NTRK2: variants seen among roughly 807,000 people sequenced by gnomAD.
NTRK2 encodes the protein neurotrophic receptor tyrosine kinase 2.
NTRK2 carries 13 observed loss-of-function variants against 94.5 expected under a neutral mutation model. The ratio of observed to expected loss-of-function variants is 0.14; its 90% confidence interval spans 0.09 to 0.22. NTRK2 has a LOEUF of 0.22. Ranked by LOEUF, NTRK2 falls within the 10% of genes least tolerant of loss-of-function variation. The pLI is 1.00. For missense variants in NTRK2, 639 were observed against 1,071.2 expected, an observed-to-expected ratio of 0.60 and a Z score of 5.63; for synonymous variants, 372 against 407.4, an observed-to-expected ratio of 0.91 and a Z score of 1.05.
At chr9:84,822,038 T>C (rs1184370090) in intron 12 of NTRK2, among the ~76,000 whole-genome samples, 1 of 152,204 alleles carries the variant, frequency 6.6e-6, no homozygotes. Context: ...AAGGACTTCT[T>C]GGCCAGCAGT....
chr9:84,875,140 A>C (rs200801574), intron 14 of NTRK2: 33 of 1,059,984 alleles, frequency 3.1e-5, no homozygotes, highest in Non-Finnish European at 3.7e-5. Flanking sequence ...ATCTCTTGTA[A>C]TATAAAGTCT....
At chr9:84,697,307 G>C (rs2060444212) in intron 2 of NTRK2, among the ~76,000 whole-genome samples, 1 of 152,160 alleles carries the variant, frequency 6.6e-6, no homozygotes, top group South Asian at 2.1e-4. Context: ...GGGGGCGGAG[G>C]GGCTGTGCTT....
At chr9:84,939,369 A>G (rs567263146) in intron 15 of NTRK2, among the ~76,000 whole-genome samples, 3 of 152,316 alleles carry the variant, frequency 2.0e-5, no homozygotes, top group Admixed American at 2.0e-4. Context: ...AGATCATTTA[A>G]TGTCAATGTC....
intron 2 of NTRK2, among the ~76,000 whole-genome samples, chr9:84,682,131 T>A (rs2059425995): frequency 6.6e-6 from 1 of 152,146 alleles, no homozygotes. Context: ...CAGACTTGTA[T>A]CCCCTGGATG....
chr9:84,811,745 C>T (rs1237234272), intron 12 of NTRK2: 1 of 1,065,432 alleles, frequency 9.4e-7, no homozygotes, highest in Non-Finnish European at 1.1e-6. Flanking sequence ...TGTCCTTCTT[C>T]ATTGCTGAGA....
At chr9:84,978,135 G>C (rs1827128112) in intron 17 of NTRK2, among the ~76,000 whole-genome samples, 2 of 152,184 alleles carry the variant, frequency 1.3e-5, no homozygotes, top group Admixed American at 1.3e-4. Context: ...TCAAGTGAAA[G>C]GAGGAGTCAC....
intron 13 of NTRK2, among the ~76,000 whole-genome samples, chr9:84,866,496 G>T (rs2075601633): frequency 6.6e-6 from 1 of 152,162 alleles, no homozygotes; most frequent in Non-Finnish European, 1.5e-5. Context: ...GTGAAATAGG[G>T]ATCCCAGATT....
chr9:84,954,578 T>C (rs1332762131), intron 16 of NTRK2, among the ~76,000 whole-genome samples: 3 of 151,724 alleles, frequency 2.0e-5, no homozygotes, highest in Non-Finnish European at 4.4e-5. Flanking sequence ...TGAGCGGAGG[T>C]TGGAGGAGGG....
intron 17 of NTRK2, among the ~76,000 whole-genome samples, chr9:84,969,412 A>C (rs368844901): frequency 2.0e-5 from 3 of 152,356 alleles, no homozygotes; most frequent in African/African-American, 7.2e-5. Context: ...ATAGCTCAGG[A>C]TAGGGCTCTG....
chr9:84,999,680 G>A (rs1173648301), intron 17 of NTRK2, among the ~76,000 whole-genome samples: 8 of 152,152 alleles, frequency 5.3e-5, no homozygotes, highest in Non-Finnish European at 1.0e-4. Flanking sequence ...TTTCATCTTG[G>A]TGAGAATGAT....
intron 2 of NTRK2, among the ~76,000 whole-genome samples, chr9:84,688,357 T>C (rs2059844105): frequency 1.3e-5 from 2 of 152,198 alleles, no homozygotes; most frequent in Non-Finnish European, 2.9e-5. Flanking sequence ...GATGATGCTC[T>C]GGATCAGGGC....
chr9:84,842,010 A>G (rs2074212847), intron 12 of NTRK2, among the ~76,000 whole-genome samples: 1 of 152,206 alleles, frequency 6.6e-6, no homozygotes, highest in Non-Finnish European at 1.5e-5. Flanking sequence ...GTTCAATCCC[A>G]TAGACAAAAC....
chr9:84,785,098 G>T (rs1645152062), intron 12 of NTRK2, among the ~76,000 whole-genome samples: 1 of 152,164 alleles, frequency 6.6e-6, no homozygotes, highest in Non-Finnish European at 1.5e-5. Flanking sequence ...ACTAGAGAAA[G>T]CACCTTCTTT....
chr9:84,891,908 G>A (rs994943030), intron 14 of NTRK2, among the ~76,000 whole-genome samples: 2 of 151,488 alleles, frequency 1.3e-5, no homozygotes, highest in African/African-American at 2.4e-5. Flanking sequence ...ACCAGCATGT[G>A]TCACACTAAA....
chr9:84,903,102 TTTAAA>T (rs574766073), intron 14 of NTRK2, among the ~76,000 whole-genome samples: 24 of 152,366 alleles, frequency 1.6e-4, no homozygotes, highest in East Asian at 1.2e-3. Flanking sequence ...ACTATTTTAA[TTTAAA>T]TTATTTAAAA....
intron 12 of NTRK2, among the ~76,000 whole-genome samples, chr9:84,793,040 G>A (rs2133230785): frequency 6.6e-6 from 1 of 152,220 alleles, no homozygotes; most frequent in South Asian, 2.1e-4. Flanking sequence ...ACTTGCTCAA[G>A]GCTGTGTACA....
At chr9:84,830,338 C>T (rs953721046) in intron 12 of NTRK2, among the ~76,000 whole-genome samples, 2 of 152,168 alleles carry the variant, frequency 1.3e-5, no homozygotes, top group African/African-American at 4.8e-5. Context: ...CCAGGCAGGG[C>T]TTTATTGATC....
chr9:84,895,819 G>A (rs967184385), intron 14 of NTRK2, among the ~76,000 whole-genome samples: 1 of 152,168 alleles, frequency 6.6e-6, no homozygotes, highest in African/African-American at 2.4e-5. Flanking sequence ...TGCATGGAGG[G>A]GGTTTAGGGA....
intron 9 of NTRK2, among the ~76,000 whole-genome samples, chr9:84,735,178 C>A (rs921090681): frequency 2.0e-5 from 3 of 152,038 alleles, no homozygotes; most frequent in Non-Finnish European, 4.4e-5. Context: ...CAAAGTGAGA[C>A]CCCGTGTCTA....
Sources: allele counts gnomAD v4.1 joint callset (sites outside exome capture counted in the v4.1 genomes callset), GRCh38; gene constraint gnomAD v4.1.1; transcripts MANE v1.5; gene names NCBI Gene and HGNC (gene_info 2026-07-23, HGNC 2026-07-21).